Variants in CNTLN observed in about 807,000 individuals in gnomAD.
CNTLN encodes the protein centlein, centrosomal protein.
Under a neutral mutation model 180.0 loss-of-function variants are expected in CNTLN, and 212 were observed. The observed-to-expected ratio is 1.18, with a 90% confidence interval of 1.05 to 1.32. The LOEUF is 1.32. Among genes scored for constraint, CNTLN ranks in the 40% most tolerant of loss-of-function variants. The pLI is 0.00. For synonymous variants in CNTLN, 722 were observed against 563.1 expected (o/e 1.28, Z -3.99); for missense variants, 2,095 against 1,610.9 (o/e 1.30, Z -5.14).
At chr9:17,421,233 T>C (rs2083694) in intron 18 of CNTLN, among the ~76,000 whole-genome samples, 1 of 152,000 alleles carries the variant, frequency 6.6e-6, no homozygotes, top group African/African-American at 2.4e-5. Context: ...TATTTGCTTT[T>C]TATATCTGAG....
intron 12 of CNTLN, among the ~76,000 whole-genome samples, chr9:17,364,106 C>T (rs1453127054): frequency 6.6e-6 from 1 of 152,056 alleles, no homozygotes; most frequent in Non-Finnish European, 1.5e-5. Flanking sequence ...GTTTTATTTA[C>T]TCTTCTTGCA....
intron 13 of CNTLN, among the ~76,000 whole-genome samples, chr9:17,379,855 A>G (rs1038649950): frequency 6.6e-6 from 1 of 152,200 alleles, no homozygotes; most frequent in Non-Finnish European, 1.5e-5. Context: ...AAATGAATTC[A>G]GTCTCCTCTA....
chr9:17,394,511 A>G lies in CNTLN; in HGVS notation c.2080-23A>G, dbSNP rs763709622. ...GTAGATTATGGTTTTTGGATTCTTA[A>G]AAGAATAAACTCTTTCCTTTAGGTC... On this transcript the variant is annotated intron_variant, in intron 14 of 25. Coordinates refer to ENST00000380647, the MANE Select transcript of CNTLN (RefSeq NM_017738.4). The G allele has an allele frequency of 5.5e-6, 8 of 1,444,290 alleles. No individual in the cohort carries two copies. The South Asian group carries it at 9.5e-5, about 17-fold the overall frequency. The allele number at this position is 1,444,290 out of a possible 1,614,324, so 89.5% of individuals were successfully genotyped here. A position where few individuals can be genotyped will look rare whatever the true frequency, so the allele number is the denominator to read the frequency against.
chr9:17,526,070 A>G, the CNTLN span, among the ~76,000 whole-genome samples: 3 of 152,006 alleles, frequency 2.0e-5, no homozygotes, highest in East Asian at 1.9e-4. Context: ...TGAGTAGCTG[A>G]GACTACAGGT....
intron 2 of CNTLN, among the ~76,000 whole-genome samples, chr9:17,175,735 C>T (rs1820679466): frequency 6.6e-6 from 1 of 150,848 alleles, no homozygotes; most frequent in African/African-American, 2.5e-5. Flanking sequence ...ATTGTTGACT[C>T]CTAATCCATG....
At chr9:17,310,825 A>G (rs1395000607) in intron 8 of CNTLN, among the ~76,000 whole-genome samples, 1 of 152,050 alleles carries the variant, frequency 6.6e-6, no homozygotes, top group Non-Finnish European at 1.5e-5. Flanking sequence ...ACTAGCCAGT[A>G]TGTGTCTTCT....
At chr9:17,224,995 C>CT (rs1780762590) in intron 2 of CNTLN, among the ~76,000 whole-genome samples, 2 of 140,450 alleles carry the variant, frequency 1.4e-5, no homozygotes, top group Non-Finnish European at 3.2e-5. Context: ...TAATGCCTAT[C>CT]TTTTTTTCTA....
Position 17,309,196 on chromosome 9 carries a change from T to C in CNTLN, c.1285T>C (p.Ser429Pro). 1 of 1,609,452 alleles carries C rather than the reference T, an allele frequency of 6.2e-7. No homozygotes were observed. Among genetic ancestry groups the C allele is most frequent in the South Asian group, 1.1e-5 (1 of 90,314 alleles). The change falls in exon 8 of 26, where the codon TCA becomes CCA. Residue 429 changes from serine (S) to proline (P), a missense_variant. Ser to Pro is a moderately conservative substitution (Grantham distance 74, BLOSUM62 -1). Coordinates refer to ENST00000380647, the MANE Select transcript of CNTLN (RefSeq NM_017738.4). Reference sequence around the variant, plus strand: ...TAAGTTAAAAGAAAAACTTCAGGAATCACAGGGAGCACCTCTTCCTTTACC... The same window carrying C: ...TAAGTTAAAAGAAAAACTTCAGGAACCACAGGGAGCACCTCTTCCTTTACC... ...NAKLKEKLQE[S>P]QGAPLPLPQE...
intron 6 of CNTLN, among the ~76,000 whole-genome samples, chr9:17,296,968 G>A (rs1817993993): frequency 6.6e-6 from 1 of 152,164 alleles, no homozygotes; most frequent in South Asian, 2.1e-4. Flanking sequence ...GTGAATGAAT[G>A]ACTAGTTTAA....
intron 5 of CNTLN, among the ~76,000 whole-genome samples, chr9:17,258,349 G>A (rs1487190595): frequency 1.3e-5 from 2 of 149,348 alleles, no homozygotes; most frequent in Non-Finnish European, 3.0e-5. Context: ...CTCTGTTTTG[G>A]TACCAGTACC....
At chr9:17,284,132 C>T (rs1828832304) in intron 6 of CNTLN, among the ~76,000 whole-genome samples, 1 of 152,164 alleles carries the variant, frequency 6.6e-6, no homozygotes. Flanking sequence ...AGCACTTCTC[C>T]TGCCTCAGCC....
intron 2 of CNTLN, among the ~76,000 whole-genome samples, chr9:17,181,007 G>A (rs545693108): frequency 5.9e-5 from 9 of 152,150 alleles, no homozygotes; most frequent in East Asian, 3.9e-4. Flanking sequence ...GGAAGTTTTC[G>A]TATGATATGA....
chr9:17,147,034 T>A (rs1390959501), intron 2 of CNTLN, among the ~76,000 whole-genome samples: 1 of 152,188 alleles, frequency 6.6e-6, no homozygotes, highest in East Asian at 1.9e-4. Context: ...TTCACTGCCT[T>A]GCTTTATATA....
chr9:17,282,815 G>GT (rs1427757952), intron 6 of CNTLN, among the ~76,000 whole-genome samples: 2 of 152,156 alleles, frequency 1.3e-5, no homozygotes, highest in African/African-American at 4.8e-5. Context: ...TGGCTAGCCA[G>GT]TTTTCCCAGC....
chr9:17,506,176 T>G (rs1322536128), downstream of CNTLN, among the ~76,000 whole-genome samples: 1 of 151,944 alleles, frequency 6.6e-6, no homozygotes, highest in East Asian at 1.9e-4. Flanking sequence ...AAATGTAGAA[T>G]ATAACATGAG....
chr9:17,456,429 A>G (rs1234860553), intron 18 of CNTLN, among the ~76,000 whole-genome samples: 1 of 152,164 alleles, frequency 6.6e-6, no homozygotes, highest in Non-Finnish European at 1.5e-5. Flanking sequence ...TCTCAAGTAT[A>G]TCAAGTTCTA....
intron 1 of CNTLN, among the ~76,000 whole-genome samples, chr9:17,135,711 TC>T (rs563812110): frequency 1.3e-5 from 2 of 149,922 alleles, no homozygotes; most frequent in Admixed American, 6.6e-5. Context: ...CCTCTCCGCT[TC>T]CCCCCCAAGC....
At chr9:17,224,549 C>T (rs192928891) in intron 2 of CNTLN, among the ~76,000 whole-genome samples, 11 of 152,116 alleles carry the variant, frequency 7.2e-5, no homozygotes, top group African/African-American at 2.4e-4. Context: ...TGTTTTTAAT[C>T]TCACTATTTT....
intron 2 of CNTLN, among the ~76,000 whole-genome samples, chr9:17,144,813 A>AAATGAAGATCTCTGGGCC (rs1554641859): frequency 6.6e-6 from 1 of 150,668 alleles, no homozygotes; most frequent in African/African-American, 2.4e-5. Context: ...GAATTTATTT[A>AAATGAAGATCTCTGGGCC]TTTATTTTAT....
Sources: gnomAD v4.1 joint callset for allele counts (sites outside exome capture counted in the v4.1 genomes callset) on GRCh38, gnomAD v4.1.1 for gene constraint, MANE v1.5 for transcripts, NCBI Gene and HGNC (gene_info 2026-07-23, HGNC 2026-07-21) for gene names.